The following FGF7 variants were observed in gnomAD, a reference collection of about 807,000 sequenced individuals.
FGF7 encodes FGF-7.
FGF7 carries 6 observed loss-of-function variants against 20.5 expected under a neutral mutation model. The ratio of observed to expected loss-of-function variants is 0.29; its 90% CI spans 0.16 to 0.58. The LOEUF (loss-of-function observed/expected upper bound fraction) is 0.58. Ranked by LOEUF, FGF7 falls within the 20% of genes least tolerant of loss-of-function variation. The pLI, the probability that FGF7 is intolerant of heterozygous loss-of-function variation, is 0.90. For missense variants in FGF7, 144 were observed against 228.8 expected, an observed-to-expected ratio of 0.63 and a Z score of 2.39; for synonymous variants, 64 against 74.7, an observed-to-expected ratio of 0.86 and a Z score of 0.74.
intron 2 of FGF7, among the ~76,000 whole-genome samples, chr15:49,452,220 T>C (rs935574498): frequency 6.6e-6 from 1 of 152,098 alleles, no homozygotes; most frequent in Non-Finnish European, 1.5e-5. Context: ...TTTTGTATTT[T>C]TAGTACAAAT....
At chr15:49,464,572 T>C (rs11070694) in intron 2 of FGF7, among the ~76,000 whole-genome samples, 40,298 of 152,070 alleles carry the variant, frequency 0.26, 5,593 homozygotes, top group East Asian at 0.38. Context: ...TTTTAATGTA[T>C]TGAATTTTGT....
chr15:49,472,430 T>C (rs1455793701), intron 2 of FGF7, among the ~76,000 whole-genome samples: 1 of 152,170 alleles, frequency 6.6e-6, no homozygotes, highest in East Asian at 1.9e-4. Flanking sequence ...TGGAAGACTT[T>C]TGGAAGTTGC....
chr15:49,431,349 T>C (rs1176439726), intron 2 of FGF7, among the ~76,000 whole-genome samples: 1 of 151,824 alleles, frequency 6.6e-6, no homozygotes, highest in Admixed American at 6.6e-5. Flanking sequence ...ATATCTTTAG[T>C]AGAGAAGTCG....
intron 2 of FGF7, among the ~76,000 whole-genome samples, chr15:49,434,834 T>A (rs1025059096): frequency 1.3e-5 from 2 of 151,116 alleles, no homozygotes; most frequent in Admixed American, 1.3e-4. Flanking sequence ...ACATCAATAA[T>A]TAATAAAAAA....
At chr15:49,477,183 ATATT>A (rs1255088297) in intron 2 of FGF7, among the ~76,000 whole-genome samples, 3 of 152,232 alleles carry the variant, frequency 2.0e-5, no homozygotes, top group African/African-American at 7.2e-5. Flanking sequence ...AGATGAGCCA[ATATT>A]TATTTATGCC....
At chr15:49,461,508 C>T (rs1243456664) in intron 2 of FGF7, among the ~76,000 whole-genome samples, 2 of 152,168 alleles carry the variant, frequency 1.3e-5, no homozygotes, top group African/African-American at 4.8e-5. Context: ...ATATTTCATG[C>T]TCTATACTTC....
At chr15:49,451,887 T>A (rs1209999588) in intron 2 of FGF7, among the ~76,000 whole-genome samples, 3 of 152,160 alleles carry the variant, frequency 2.0e-5, no homozygotes, top group Middle Eastern at 3.2e-3. Flanking sequence ...TTATTTTACA[T>A]GCGGTTCTTC....
At chr15:49,424,725 T>C (rs971786084) in intron 2 of FGF7, 142 bp downstream of exon 2, 2 of 610,404 alleles carry the variant, frequency 3.3e-6, no homozygotes, top group Non-Finnish European at 5.4e-6. Flanking sequence ...AATTGAACTA[T>C]GTTGAACTAT....
chr15:49,438,941 A>C (rs1444536193), intron 2 of FGF7, among the ~76,000 whole-genome samples: 4 of 151,498 alleles, frequency 2.6e-5, no homozygotes, highest in Non-Finnish European at 5.9e-5. Context: ...TTGTTGCATA[A>C]CAAGTTACCT....
intron 2 of FGF7, among the ~76,000 whole-genome samples, chr15:49,479,607 T>TTTTTTG: frequency 8.1e-6 from 1 of 123,402 alleles, no homozygotes; most frequent in African/African-American, 3.7e-5. Flanking sequence ...CTGTTTTTTT[T>TTTTTTG]TTTTTTTTTT....
intron 2 of FGF7, among the ~76,000 whole-genome samples, chr15:49,467,457 A>T (rs1189276504): frequency 1.3e-5 from 2 of 151,902 alleles, no homozygotes; most frequent in Non-Finnish European, 2.9e-5. Context: ...CTTACCTCTC[A>T]TCCTATGTAA....
intron 2 of FGF7, among the ~76,000 whole-genome samples, chr15:49,441,433 TAGAG>T (rs761516484): frequency 1.3e-5 from 2 of 151,584 alleles, no homozygotes; most frequent in Non-Finnish European, 3.0e-5. Flanking sequence ...AAAATAAAAT[TAGAG>T]AGACATTAAA....
chr15:49,427,018 A>G (rs769260439), intron 2 of FGF7, among the ~76,000 whole-genome samples: 1 of 151,924 alleles, frequency 6.6e-6, no homozygotes, highest in Non-Finnish European at 1.5e-5. Flanking sequence ...TTTTTTTTCT[A>G]TAGGAAGTCC....
chr15:49,449,448 A>G (rs540967925), intron 2 of FGF7, among the ~76,000 whole-genome samples: 1 of 152,132 alleles, frequency 6.6e-6, no homozygotes, highest in South Asian at 2.1e-4. Flanking sequence ...ACACTTAAAC[A>G]TGATTTCTCA....
At chr15:49,464,681 A>G (rs1597369995) in intron 2 of FGF7, among the ~76,000 whole-genome samples, 1 of 152,354 alleles carries the variant, frequency 6.6e-6, no homozygotes. Context: ...TAAAAATGTT[A>G]TCTTAATGTG....
chr15:49,475,124 T>G (rs2086306711), intron 2 of FGF7, among the ~76,000 whole-genome samples: 1 of 152,306 alleles, frequency 6.6e-6, no homozygotes, highest in Non-Finnish European at 1.5e-5. Context: ...GTTTGATTAA[T>G]TTTTTCACCC....
intron 2 of FGF7, among the ~76,000 whole-genome samples, chr15:49,458,416 A>G (rs2053510033): frequency 6.6e-6 from 1 of 152,072 alleles, no homozygotes; most frequent in Non-Finnish European, 1.5e-5. Flanking sequence ...TTGTGTTTCT[A>G]ATTAATTCTC....
chr15:49,437,818 C>G (rs571905732), intron 2 of FGF7, among the ~76,000 whole-genome samples: 1 of 151,716 alleles, frequency 6.6e-6, no homozygotes, highest in African/African-American at 2.4e-5. Flanking sequence ...ACCAAAGAGT[C>G]AATTTCAGTA....
At chr15:49,477,961 T>G (rs1333068498) in intron 2 of FGF7, among the ~76,000 whole-genome samples, 1 of 152,202 alleles carries the variant, frequency 6.6e-6, no homozygotes, top group Non-Finnish European at 1.5e-5. Flanking sequence ...GGGGTACATG[T>G]GCAGGTCTGT....
Sources: allele counts gnomAD v4.1 joint callset (sites outside exome capture counted in the v4.1 genomes callset), GRCh38; gene constraint gnomAD v4.1.1; transcripts MANE v1.5; gene names NCBI Gene and HGNC (gene_info 2026-07-23, HGNC 2026-07-21).